The following MRPS27 variants were observed in gnomAD, a reference collection of about 807,000 sequenced individuals.
MRPS27 encodes the protein mitochondrial ribosomal protein S27, also known as small ribosomal subunit protein mS27.
Under a neutral mutation model 48.9 loss-of-function variants are expected in MRPS27, and 43 were observed. The ratio of observed to expected loss-of-function variants is 0.88; its 90% CI spans 0.69 to 1.13. MRPS27 has a LOEUF of 1.13. MRPS27 is among the 50% of genes most tolerant of loss of function. MRPS27 has a pLI of 0.00. For missense variants in MRPS27, 467 were observed against 476.3 expected, an observed-to-expected ratio of 0.98 and a Z score of 0.18; for synonymous variants, 188 against 171.9, an observed-to-expected ratio of 1.09 and a Z score of -0.73.
Position 72,226,131 on chromosome 5 carries a change from A to G in MRPS27, c.763T>C (p.Tyr255His). Reference protein sequence around the residue: ...HNMPLIWKPGYLDRALQVMEK... With the variant: ...HNMPLIWKPGHLDRALQVMEK... ...ATCACTTGAAGGGCTCTGTCAAGGT[A>G]GCCTGGTTTCCATATCAGAGGCATG... The change falls in exon 9 of 11, where the codon TAC becomes CAC. Residue 255 changes from tyrosine to histidine, a missense_variant. Tyr to His is a moderately conservative substitution (Grantham distance 83). Transcript: ENST00000261413. 1 of 1,613,856 alleles carries G rather than the reference A, an allele frequency of 6.2e-7. No homozygotes were observed. Among genetic ancestry groups the G allele is most frequent in the Non-Finnish European group, 8.5e-7 (1 of 1,179,846 alleles).
intron 4 of MRPS27, among the ~76,000 whole-genome samples, chr5:72,267,083 T>C (rs140255912): frequency 6.2e-4 from 95 of 152,300 alleles, no homozygotes; most frequent in African/African-American, 2.2e-3. Context: ...GAGTGATTCC[T>C]ACACAACTTT....
intron 7 of MRPS27, chr5:72,228,630 T>C: frequency 3.2e-6 from 1 of 314,332 alleles, no homozygotes. Context: ...TCCCTGTATA[T>C]CTTATTATTT....
At chr5:72,244,615 C>T (rs1192666373) in intron 4 of MRPS27, among the ~76,000 whole-genome samples, 1 of 152,160 alleles carries the variant, frequency 6.6e-6, no homozygotes, top group Non-Finnish European at 1.5e-5. Flanking sequence ...GAGTAGCTAC[C>T]TTTTGCTCAG....
At chr5:72,277,338 T>C (rs1202459389) in intron 4 of MRPS27, among the ~76,000 whole-genome samples, 3 of 152,138 alleles carry the variant, frequency 2.0e-5, no homozygotes, top group Non-Finnish European at 4.4e-5. Context: ...AGAAATACCA[T>C]TTGACCCAGC....
At chr5:72,278,972 T>C (rs1490874978) in intron 4 of MRPS27, among the ~76,000 whole-genome samples, 1 of 152,236 alleles carries the variant, frequency 6.6e-6, no homozygotes, top group Non-Finnish European at 1.5e-5. Context: ...ACTTAATCCT[T>C]ATACAAGCCA....
intron 2 of MRPS27, among the ~76,000 whole-genome samples, chr5:72,308,732 A>G (rs949834976): frequency 6.6e-6 from 1 of 152,254 alleles, no homozygotes; most frequent in Admixed American, 6.5e-5. Context: ...AACCGAAAAC[A>G]ATGTCCATTT....
At chr5:72,277,884 A>G (rs1181890099) in intron 4 of MRPS27, among the ~76,000 whole-genome samples, 1 of 152,124 alleles carries the variant, frequency 6.6e-6, no homozygotes, top group African/African-American at 2.4e-5. Flanking sequence ...GAGCTGAACA[A>G]TGAGAACACT....
chr5:72,315,588 A>G (rs1316296162), intron 1 of MRPS27, among the ~76,000 whole-genome samples: 1 of 151,926 alleles, frequency 6.6e-6, no homozygotes, highest in Non-Finnish European at 1.5e-5. Flanking sequence ...AGTAAAATAT[A>G]TATGTATACA....
Position 72,244,404 on chromosome 5 carries a change from T to C in MRPS27, c.282-6276A>G, listed in dbSNP as rs114089737. Among the ~76,000 whole-genome samples, 582 of 152,346 alleles carry C rather than the reference T, an allele frequency of 3.8e-3. 1 individual carries two copies. The highest frequency in any genetic ancestry group is 0.013 in the African/African-American group (552 of 41,584). On this transcript the variant is annotated intron_variant, in intron 4 of 10. Transcript: ENST00000261413. ...CTTAGCATTTCACCTGGAAACACACTGGTATAAATATGACATACTAGAAAC... is the reference window on the plus strand; with the variant it reads ...CTTAGCATTTCACCTGGAAACACACCGGTATAAATATGACATACTAGAAAC...
intron 7 of MRPS27, 63 bp from the exon 8 acceptor site, chr5:72,228,431 A>G (rs1359842344): frequency 9.2e-7 from 1 of 1,081,452 alleles, no homozygotes; most frequent in Non-Finnish European, 1.4e-6. Context: ...CAAAAATGTG[A>G]CTTTCAATGA....
intron 4 of MRPS27, among the ~76,000 whole-genome samples, chr5:72,273,935 CTT>C (rs1749310918): frequency 6.6e-6 from 1 of 152,150 alleles, no homozygotes; most frequent in African/African-American, 2.4e-5. Flanking sequence ...TGTAGTAACA[CTT>C]AGGTTAAAAC....
chr5:72,313,138 C>T (rs1027349244), intron 2 of MRPS27, among the ~76,000 whole-genome samples: 2 of 152,122 alleles, frequency 1.3e-5, no homozygotes, highest in Non-Finnish European at 1.5e-5. Context: ...CACATACACC[C>T]ATCTCAGAGC....
intron 4 of MRPS27, among the ~76,000 whole-genome samples, chr5:72,239,525 A>T (rs1006310677): frequency 3.9e-5 from 6 of 152,164 alleles, no homozygotes; most frequent in Admixed American, 2.0e-4. Context: ...AAATAGAGAA[A>T]TATGTCAAAT....
At chr5:72,258,952 T>C (rs188369982) in intron 4 of MRPS27, among the ~76,000 whole-genome samples, 333 of 152,258 alleles carry the variant, frequency 2.2e-3, no homozygotes, top group Non-Finnish European at 4.0e-3. Context: ...GACATCTCCA[T>C]TTGGACCTCC....
rs760987875 is a variant in MRPS27 at position 72,220,913 on chromosome 5, G to T, written c.1241C>A (p.Ala414Asp). 3 of 1,614,100 alleles carry T rather than the reference G, an allele frequency of 1.9e-6. No homozygotes were observed. Among genetic ancestry groups the T allele is most frequent in the Non-Finnish European group, 2.5e-6 (3 of 1,179,980 alleles). ...YQAQKAAKAS[A>D] ...GTGGGGCCCTGGGGGACCCTATTAGGCAGATGCCTTTGCTGCTTTCTGAGC... is the reference window on the plus strand; with the variant it reads ...GTGGGGCCCTGGGGGACCCTATTAGTCAGATGCCTTTGCTGCTTTCTGAGC... Residue 414 changes from alanine (A) to aspartate (D), a missense_variant, in exon 11 of 11, where the codon GCC (alanine) becomes GAC (aspartate). Transcript: ENST00000261413.
At chr5:72,224,026 C>A (rs906549785) in intron 9 of MRPS27, among the ~76,000 whole-genome samples, 176 bp from the exon 10 acceptor site, 5 of 151,932 alleles carry the variant, frequency 3.3e-5, no homozygotes, top group Admixed American at 2.6e-4. Flanking sequence ...TTATAAACAC[C>A]CTATCAGATG....
chr5:72,233,487 A>C (rs567875544), intron 6 of MRPS27, among the ~76,000 whole-genome samples: 4 of 152,234 alleles, frequency 2.6e-5, no homozygotes, highest in South Asian at 2.1e-4. Flanking sequence ...TATTTTTTTA[A>C]CCAATTTTTA....
chr5:72,257,192 ACAAATAGC>A lies in MRPS27; in HGVS notation c.282-19072_282-19065del, dbSNP rs60975807. Among the ~76,000 whole-genome samples the A allele has an allele frequency of 7.7e-3, 1,167 of 152,298 alleles. 11 individuals carry two copies. Among genetic ancestry groups the A allele is most frequent in the African/African-American group, 0.027 (1,133 of 41,556 alleles). ...TAACTGTACACATGCCAGTCCTATT[ACAAATAGC>A]TATGTGCCTTTGGGAAAGTCTTACG... On this transcript the variant is annotated intron_variant, in intron 4 of 10. Coordinates refer to ENST00000261413, the MANE Select transcript of MRPS27 (RefSeq NM_015084.3).
chr5:72,222,688 A>G (rs1747780376), intron 10 of MRPS27, among the ~76,000 whole-genome samples: 1 of 152,196 alleles, frequency 6.6e-6, no homozygotes, highest in African/African-American at 2.4e-5. Flanking sequence ...AAGAGCCTGA[A>G]GGGGCAGGCA....
Sources: gnomAD v4.1 joint callset for allele counts (sites outside exome capture counted in the v4.1 genomes callset) on GRCh38, gnomAD v4.1.1 for gene constraint, MANE v1.5 for transcripts, NCBI Gene and HGNC (gene_info 2026-07-23, HGNC 2026-07-21) for gene names.